Variants in HSP90AA1 observed in about 807,000 individuals in gnomAD.
HSP90AA1 encodes the protein heat shock protein HSP 90-alpha.
Under a neutral mutation model 73.3 loss-of-function variants are expected in HSP90AA1, and 18 were observed. The observed-to-expected ratio is 0.25, with a 90% CI of 0.17 to 0.36. HSP90AA1 has a LOEUF of 0.36. HSP90AA1 is among the 10% of genes least tolerant of loss of function. HSP90AA1 has a pLI of 1.00. For missense variants in HSP90AA1, 704 were observed against 874.2 expected, an observed-to-expected ratio of 0.81 and a Z score of 2.45; for synonymous variants, 477 against 296.9, an observed-to-expected ratio of 1.61 and a Z score of -6.24.
chr14:102,081,571 A>T lies in HSP90AA1; in HGVS notation c.*141T>A, dbSNP rs1355308477. 1.5e-6 allele frequency: 1 copy of T among 667,292 alleles called. No homozygotes were observed. The highest frequency in any genetic ancestry group is 2.7e-6 in the Non-Finnish European group (1 of 367,058). The allele number at this position is 667,292 out of a possible 1,614,324, so 41.3% of individuals were successfully genotyped here. On this transcript the variant is annotated 3_prime_UTR_variant, in exon 11 of 11. Coordinates refer to ENST00000216281, the MANE Select transcript of HSP90AA1 (RefSeq NM_005348.4). ...TATCACAGCATCACTTAGTAGACAG[A>T]AATCTTATCTTCCCCTTAAAGTAGT...
At chr14:102,086,175 C>T (rs771841209) in intron 2 of HSP90AA1, 42 bp downstream of exon 2, 116 of 1,614,064 alleles carry the variant, frequency 7.2e-5, no homozygotes, top group Admixed American at 1.2e-4. Flanking sequence ...AAGAAGTTCA[C>T]ACTGAAACCA....
At chr14:102,116,423 T>C (rs1365861991) in intron 1 of HSP90AA1, among the ~76,000 whole-genome samples, 1 of 152,212 alleles carries the variant, frequency 6.6e-6, no homozygotes, top group Non-Finnish European at 1.5e-5. Flanking sequence ...CAGTGGCCAC[T>C]GCACCAGCCA....
intron 9 of HSP90AA1, chr14:102,082,799 T>C: frequency 1.9e-6 from 1 of 532,774 alleles, no homozygotes; most frequent in Non-Finnish European, 3.4e-6. Flanking sequence ...TTTTTCTATT[T>C]TTAGTAGAGA....
At chr14:102,124,670 C>A in intron 1 of HSP90AA1, among the ~76,000 whole-genome samples, 1 of 152,138 alleles carries the variant, frequency 6.6e-6, no homozygotes, top group African/African-American at 2.4e-5. Context: ...TCCTGATTAG[C>A]TGGAATTACA....
chr14:102,139,416 G>A (rs1595693942), exon 1 of HSP90AA1: 4 of 1,542,694 alleles, frequency 2.6e-6, no homozygotes, highest in Non-Finnish European at 3.5e-6. Context: ...CGCGCTCCCC[G>A]TAGGGTACCC....
intron 1 of HSP90AA1, among the ~76,000 whole-genome samples, chr14:102,126,854 T>C (rs2049846008): frequency 6.6e-6 from 1 of 151,956 alleles, no homozygotes; most frequent in Non-Finnish European, 1.5e-5. Context: ...TATCATAAAC[T>C]GTGTTTTTGT....
chr14:102,104,826 T>A (rs931148989), intron 1 of HSP90AA1, among the ~76,000 whole-genome samples: 2 of 151,912 alleles, frequency 1.3e-5, no homozygotes, highest in Non-Finnish European at 2.9e-5. Flanking sequence ...TGAGAACATG[T>A]TGTATTTGTC....
Position 102,102,031 on chromosome 14 carries a change from CAGAT to C in HSP90AA1, c.206_209del (p.His69ArgfsTer53). ...GTAGAGTGGTGGATCCAGACACCAT[CAGAT>C]GCCAGAGAAACACTTGGGCCTTTTC... is the stretch of plus-strand genomic sequence containing the variant. On this transcript the variant is annotated frameshift_variant, in exon 2 of 12. Coordinates refer to the HSP90AA1 transcript ENST00000334701. LOFTEE classifies it high-confidence loss of function. 6.2e-7 allele frequency: 1 copy of C among 1,614,060 alleles called. No individual in the cohort carries two copies. Among genetic ancestry groups the C allele is most frequent in the Non-Finnish European group, 8.5e-7 (1 of 1,179,960 alleles).
At chr14:102,120,485 T>C (rs2049762833) in intron 1 of HSP90AA1, among the ~76,000 whole-genome samples, 1 of 152,178 alleles carries the variant, frequency 6.6e-6, no homozygotes, top group South Asian at 2.1e-4. Flanking sequence ...TTTTGTCTTT[T>C]GAACTTTTGA....
chr14:102,110,703 C>T (rs943530855), intron 1 of HSP90AA1, among the ~76,000 whole-genome samples: 31 of 151,992 alleles, frequency 2.0e-4, no homozygotes, highest in African/African-American at 7.0e-4. Flanking sequence ...CCTCAGCCTC[C>T]CGAGCAGCTC....
intron 1 of HSP90AA1, among the ~76,000 whole-genome samples, chr14:102,135,534 C>G (rs1045164810): frequency 3.3e-5 from 5 of 152,236 alleles, no homozygotes; most frequent in Admixed American, 2.0e-4. Context: ...CTTGGGTGGT[C>G]GATGGGACTG....
chr14:102,131,853 G>A (rs1395797373), intron 1 of HSP90AA1, among the ~76,000 whole-genome samples: 1 of 152,130 alleles, frequency 6.6e-6, no homozygotes, highest in Non-Finnish European at 1.5e-5. Flanking sequence ...TTTTCTCCCT[G>A]TAAGAATATG....
intron 1 of HSP90AA1, among the ~76,000 whole-genome samples, chr14:102,105,244 A>ACAAACAC: frequency 6.6e-6 from 1 of 150,978 alleles, no homozygotes; most frequent in Admixed American, 6.6e-5. Context: ...ACTTCATTCA[A>ACAAACAC]CAAACACTGA....
chr14:102,081,282 A>G lies in HSP90AA1; in HGVS notation c.*430T>C, dbSNP rs2049091705. ...ATTTCTAGAGGACTAGTACATGCAG[A>G]ATTGTCAACTACAGGGAATGAAAAG... On this transcript the variant is annotated 3_prime_UTR_variant, in exon 11 of 11. Transcript: ENST00000216281. The G allele has an allele frequency of 3.4e-6, 1 of 290,954 alleles. No individual in the cohort carries two copies. The highest frequency in any genetic ancestry group is 2.2e-5 in the African/African-American group (1 of 46,454). The allele number at this position is 290,954 out of a possible 1,614,324, so 18.0% of individuals were successfully genotyped here. A position where few individuals can be genotyped will look rare whatever the true frequency, so the allele number is the denominator to read the frequency against.
At chr14:102,115,223 C>T (rs1178431277) in intron 1 of HSP90AA1, among the ~76,000 whole-genome samples, 7 of 151,894 alleles carry the variant, frequency 4.6e-5, no homozygotes, top group Non-Finnish European at 8.8e-5. Flanking sequence ...CCCTTGAACC[C>T]GGGAGGTAGA....
In HSP90AA1 at chr14:102,101,951, AGTGACGCGGTGACAGGGAATGCAGAGAC is replaced by A; in HGVS notation, c.262_289del (p.Val88TrpfsTer26). 2 of 1,614,184 alleles carry A rather than the reference AGTGACGCGGTGACAGGGAATGCAGAGAC, an allele frequency of 1.2e-6. No homozygotes were observed. Among genetic ancestry groups the A allele is most frequent in the Non-Finnish European group, 1.7e-6 (2 of 1,179,984 alleles). On this transcript the variant is annotated frameshift_variant, in exon 2 of 12. Coordinates refer to the HSP90AA1 transcript ENST00000334701. LOFTEE classifies it high-confidence loss of function. ...TGCACCTTGGCTCTGTCTGAAGGCC[AGTGACGCGGTGACAGGGAATGCAGAGAC>A]GTGGAAGGGCTGTTTCCAGAGACAG...
chr14:102,100,710 C>G (rs1465641521), intron 2 of HSP90AA1, among the ~76,000 whole-genome samples: 1 of 152,132 alleles, frequency 6.6e-6, no homozygotes, highest in Non-Finnish European at 1.5e-5. Context: ...CAGGCGTGAG[C>G]CACCATGCCC....
Position 102,084,467 on chromosome 14 carries a change from T to C in HSP90AA1, c.1079A>G (p.Asn360Ser). The change falls in exon 6 of 11, where the codon AAC (asparagine) becomes AGC (serine). Residue 360 changes from asparagine (N) to serine (S), a missense_variant. By Grantham distance (46) the Asn-to-Ser change is conservative (BLOSUM62 1). Coordinates refer to ENST00000216281, the MANE Select transcript of HSP90AA1 (RefSeq NM_005348.4). ...AACTCTGCGTACATACAATTTGATGTTGTTCTTTTTCTTTCTGTTTTCAAA... is the reference window on the plus strand; with the variant it reads ...AACTCTGCGTACATACAATTTGATGCTGTTCTTTTTCTTTCTGTTTTCAAA... ...DLFENRKKKN[N>S]IKLYVRRVFI... 2.5e-6 allele frequency: 4 copies of C among 1,613,820 alleles called. No individual in the cohort carries two copies. Among genetic ancestry groups the C allele is most frequent in the Non-Finnish European group, 3.4e-6 (4 of 1,179,658 alleles).
intron 1 of HSP90AA1, 56 bp downstream of exon 1, chr14:102,086,930 C>G: frequency 1.1e-6 from 1 of 937,486 alleles, no homozygotes; most frequent in Non-Finnish European, 1.3e-6. Context: ...CCGCGCCAGC[C>G]GCCCCCAGTC....
Sources: allele counts gnomAD v4.1 joint callset (sites outside exome capture counted in the v4.1 genomes callset), GRCh38; gene constraint gnomAD v4.1.1; transcripts MANE v1.5; gene names NCBI Gene and HGNC (gene_info 2026-07-23, HGNC 2026-07-21).